The following KALRN variants were observed in gnomAD, a reference collection of about 807,000 sequenced individuals.
KALRN encodes kalirin RhoGEF kinase, also known as kalirin.
A neutral mutation model predicts 353.7 loss-of-function variants in KALRN; 70 were observed. The ratio of observed to expected loss-of-function variants is 0.20; its 90% confidence interval spans 0.16 to 0.24. The LOEUF is 0.24. Among genes scored for constraint, KALRN ranks in the 10% least tolerant of loss-of-function variants. KALRN has a pLI of 1.00. For synonymous variants in KALRN, 1,391 were observed against 1,434.8 expected (o/e 0.97, Z 0.69); for missense variants, 2,791 against 3,756.7 (o/e 0.74, Z 6.72).
At chr3:124,152,552 C>CG in intron 1 of KALRN, 5 of 234,624 alleles carry the variant, frequency 2.1e-5, no homozygotes, top group South Asian at 1.8e-4. Context: ...TTTTCTTTTT[C>CG]TTTTCTTTTC....
At chr3:124,270,814 T>C (rs2074055049) in intron 5 of KALRN, among the ~76,000 whole-genome samples, 1 of 126,632 alleles carries the variant, frequency 7.9e-6, no homozygotes. Context: ...TTTGTTTATT[T>C]TTTTGTTTTG....
intron 45 of KALRN, among the ~76,000 whole-genome samples, chr3:124,666,049 C>T (rs1029298994): frequency 6.6e-6 from 1 of 152,168 alleles, no homozygotes; most frequent in Non-Finnish European, 1.5e-5. Context: ...ACCAGGCAGG[C>T]ACCGTTCTCA....
At chr3:124,072,463 G>A (rs1424775922) in intron 1 of KALRN, among the ~76,000 whole-genome samples, 2 of 152,182 alleles carry the variant, frequency 1.3e-5, no homozygotes, top group South Asian at 2.1e-4. Flanking sequence ...TGTTTTACTT[G>A]TGAAATAACC....
At chr3:124,383,416 C>A (rs1291702725) in intron 10 of KALRN, among the ~76,000 whole-genome samples, 3 of 152,160 alleles carry the variant, frequency 2.0e-5, no homozygotes, top group Non-Finnish European at 4.4e-5. Flanking sequence ...AGAGCTAGTT[C>A]TTTCTGAGGA....
intron 1 of KALRN, among the ~76,000 whole-genome samples, chr3:124,038,538 G>C (rs2039639028): frequency 6.6e-6 from 1 of 152,068 alleles, no homozygotes; most frequent in South Asian, 2.1e-4. Context: ...GATAAGAATA[G>C]GTTCCCTAAC....
chr3:124,361,915 C>T (rs529869256), intron 10 of KALRN, among the ~76,000 whole-genome samples: 1 of 152,150 alleles, frequency 6.6e-6, no homozygotes, highest in Admixed American at 6.5e-5. Flanking sequence ...TAGCCTCTTT[C>T]TTCCTCCTTC....
At chr3:124,464,102 C>G (rs1423792014) in intron 25 of KALRN, among the ~76,000 whole-genome samples, 3 of 152,190 alleles carry the variant, frequency 2.0e-5, no homozygotes, top group Non-Finnish European at 4.4e-5. Context: ...ATTCCATCAT[C>G]TGAGCCCAGC....
intron 34 of KALRN, among the ~76,000 whole-genome samples, chr3:124,595,905 G>A (rs1216826659): frequency 2.0e-5 from 3 of 152,118 alleles, no homozygotes; most frequent in Non-Finnish European, 4.4e-5. Context: ...GGTATAAAAA[G>A]TATATTTTGT....
At chr3:124,711,097 G>T (rs141478469) in intron 57 of KALRN, among the ~76,000 whole-genome samples, 3 of 152,236 alleles carry the variant, frequency 2.0e-5, no homozygotes, top group African/African-American at 7.2e-5. Flanking sequence ...CCAAATATTT[G>T]CTTACTGTGC....
At position 124,488,326 on chromosome 3, in the gene KALRN, T is replaced by A; in HGVS notation, c.4396+11T>A. On this transcript the variant is annotated intron_variant, in intron 29 of 59. Coordinates refer to ENST00000682506, the MANE Select transcript of KALRN (RefSeq NM_001388419.1). Reference sequence around the variant, plus strand: ...TCAGCATGCTGGAAGGTAGCTGTCCTCCCAGCACTGGGGAAGCCTCCTCTC... The same window carrying A: ...TCAGCATGCTGGAAGGTAGCTGTCCACCCAGCACTGGGGAAGCCTCCTCTC... 6.4e-7 allele frequency: 1 copy of A among 1,559,410 alleles called. No individual in the cohort carries two copies. Among genetic ancestry groups the A allele is most frequent in the Non-Finnish European group, 8.8e-7 (1 of 1,130,280 alleles).
chr3:124,072,377 A>T (rs559098002), intron 1 of KALRN, among the ~76,000 whole-genome samples: 1 of 152,328 alleles, frequency 6.6e-6, no homozygotes, highest in Non-Finnish European at 1.5e-5. Flanking sequence ...CTTCCTGTTA[A>T]TAAAGCAGAT....
intron 10 of KALRN, among the ~76,000 whole-genome samples, chr3:124,370,462 T>C (rs1576372552): frequency 1.3e-5 from 2 of 152,194 alleles, no homozygotes; most frequent in Admixed American, 6.5e-5. Context: ...AGTAAACAAA[T>C]ATTATCATTC....
At chr3:124,666,338 G>C in intron 45 of KALRN, 111 bp from the exon 46 acceptor site, 1 of 973,636 alleles carries the variant, frequency 1.0e-6, no homozygotes, top group South Asian at 1.6e-5. Flanking sequence ...TGAGGCTTTT[G>C]TTGTCAAATC....
intron 6 of KALRN, among the ~76,000 whole-genome samples, chr3:124,316,355 C>A (rs1171854270): frequency 1.9e-5 from 2 of 107,468 alleles, no homozygotes; most frequent in African/African-American, 2.9e-5. Context: ...TTACATCTTG[C>A]CACTCTGCTT....
chr3:124,252,713 C>T (rs950242309), intron 3 of KALRN, among the ~76,000 whole-genome samples: 58 of 152,270 alleles, frequency 3.8e-4, no homozygotes, highest in African/African-American at 9.4e-4. Context: ...GATGAATTAA[C>T]GTAGATTCTG....
At position 124,446,194 on chromosome 3, in the gene KALRN, G is replaced by A. The variant is rs375081975; in HGVS notation, c.3347G>A (p.Arg1116His). 1.9e-5 allele frequency: 31 copies of A among 1,613,938 alleles called. No individual in the cohort carries two copies. Among genetic ancestry groups the A allele is most frequent in the African/African-American group, 6.7e-5 (5 of 74,918 alleles). ...AGTGAGCTCCTGCAGAGGGAGAATC[G>A]CGTGCTGCATTTCTGGACCTTGAAG... The part of the protein sequence containing the change: ...ILSELLQREN[R>H]VLHFWTLKKR... Residue 1116 changes from arginine to histidine, a missense_variant, in exon 20 of 60, where the codon CGC (arginine) becomes CAC (histidine). Physicochemically the swap from Arg to His is conservative, Grantham distance 29. Coordinates refer to ENST00000682506, the MANE Select transcript of KALRN (RefSeq NM_001388419.1).
At chr3:124,095,003 G>A (rs2061347309) in intron 1 of KALRN, 5 of 1,144,154 alleles carry the variant, frequency 4.4e-6, no homozygotes, top group South Asian at 2.6e-5. Flanking sequence ...GAGAGGGGAG[G>A]GGGGTCAAGA....
At chr3:124,169,162 G>A (rs1301652473) in intron 1 of KALRN, among the ~76,000 whole-genome samples, 1 of 152,174 alleles carries the variant, frequency 6.6e-6, no homozygotes, top group Non-Finnish European at 1.5e-5. Flanking sequence ...AACACATAGT[G>A]GTGGAAGGCT....
Position 124,422,852 on chromosome 3 carries a change from C to G in KALRN, c.2583C>G (p.Ala861=), listed in dbSNP as rs764988016. The G allele has an allele frequency of 6.2e-7, 1 of 1,613,724 alleles. No homozygotes were observed. The highest frequency in any genetic ancestry group is 8.5e-7 in the Non-Finnish European group (1 of 1,179,814). ...LICEKDIDLA[A]QVQELLEFLH... Reference sequence around the variant, plus strand: ...GTGAAAAAGACATTGATCTGGCAGCCCAGGTGCAAGAGTTATTGGAATTTC... The same window carrying G: ...GTGAAAAAGACATTGATCTGGCAGCGCAGGTGCAAGAGTTATTGGAATTTC... The change falls in exon 15 of 60, where the codon GCC becomes GCG. Residue 861 remains alanine, a synonymous_variant. Coordinates refer to ENST00000682506, the MANE Select transcript of KALRN (RefSeq NM_001388419.1).
Sources: allele counts gnomAD v4.1 joint callset (sites outside exome capture counted in the v4.1 genomes callset), GRCh38; gene constraint gnomAD v4.1.1; transcripts MANE v1.5; gene names NCBI Gene and HGNC (gene_info 2026-07-23, HGNC 2026-07-21).